KLHDC8A: variants seen among roughly 807,000 people sequenced by gnomAD.
KLHDC8A encodes kelch domain-containing protein 8A.
A neutral mutation model predicts 33.1 loss-of-function variants in KLHDC8A; 21 were observed. The observed-to-expected ratio is 0.64, with a 90% CI of 0.45 to 0.91. KLHDC8A has a LOEUF of 0.91. Among genes scored for constraint, KLHDC8A ranks in the 40% least tolerant of loss-of-function variants. The pLI, the probability that KLHDC8A is intolerant of heterozygous loss-of-function variation, is 0.00. For missense variants in KLHDC8A, 435 were observed against 483.3 expected, an observed-to-expected ratio of 0.90 and a Z score of 0.94; for synonymous variants, 173 against 193.5, an observed-to-expected ratio of 0.89 and a Z score of 0.88.
intron 1 of KLHDC8A, among the ~76,000 whole-genome samples, chr1:205,351,956 C>T (rs11240449): frequency 0.61 from 92,826 of 151,742 alleles, 28,422 homozygotes; most frequent in South Asian, 0.72. Flanking sequence ...TGGCCTGCCT[C>T]TCCTTCCTTG....
chr1:205,355,261 C>A (rs1663234815), intron 1 of KLHDC8A, among the ~76,000 whole-genome samples: 1 of 152,196 alleles, frequency 6.6e-6, no homozygotes, highest in African/African-American at 2.4e-5. Context: ...CACTCTATTG[C>A]CTGATGCCCA....
At chr1:205,355,988 G>A (rs1302917564) in intron 1 of KLHDC8A, among the ~76,000 whole-genome samples, 1 of 152,190 alleles carries the variant, frequency 6.6e-6, no homozygotes, top group East Asian at 1.9e-4. Flanking sequence ...TCACAAGGGT[G>A]TATTTCGTGT....
Position 205,343,281 on chromosome 1 carries a change from C to T in KLHDC8A, c.324G>A (p.Lys108=). The part of the protein sequence containing the change: ...EMYNIDEGKW[K]KRSMLREAAM... ...CGGCCTCACGCAGCATGCTCCTCTT[C>T]TTCCACTTGCCCTCATCGATGTTGT... Residue 108 remains lysine, a synonymous_variant, in exon 2 of 6, where the codon AAG becomes AAA. Transcript: ENST00000367155. 1 of 1,610,878 alleles carries T rather than the reference C, an allele frequency of 6.2e-7. No homozygotes were observed. Among genetic ancestry groups the T allele is most frequent in the East Asian group, 2.2e-5 (1 of 44,778 alleles).
intron 2 of KLHDC8A, among the ~76,000 whole-genome samples, chr1:205,341,121 CT>C (rs373175826): frequency 0.011 from 1,687 of 152,290 alleles, 25 homozygotes; most frequent in South Asian, 0.074. Context: ...CTCTACTACT[CT>C]TGACTGTAGG....
chr1:205,353,670 T>TA (rs1186411157), intron 1 of KLHDC8A, among the ~76,000 whole-genome samples: 2 of 152,122 alleles, frequency 1.3e-5, no homozygotes, highest in African/African-American at 4.8e-5. Context: ...GCTGGGACTA[T>TA]AGACACGCAC....
chr1:205,339,318 C>A lies in KLHDC8A; in HGVS notation c.633G>T (p.Lys211Asn). ...SWTKFPNIPYKRAFSSFVTLD... is the reference protein window; with the variant it reads ...SWTKFPNIPYNRAFSSFVTLD... ...GGGTCACAAAGCTGGAGAAGGCCCGCTTATAGGGAATGTTGGGAAACTTGG... is the reference window on the plus strand; with the variant it reads ...GGGTCACAAAGCTGGAGAAGGCCCGATTATAGGGAATGTTGGGAAACTTGG... Residue 211 changes from lysine to asparagine, a missense_variant, in exon 4 of 6, where the codon AAG becomes AAT. By Grantham distance (94) the Lys-to-Asn change is moderately conservative. Transcript: ENST00000367155. The surrounding 1 kb of genome is among the most constrained non-coding windows in gnomAD (Gnocchi z 5.1). 6.2e-7 allele frequency: 1 copy of A among 1,614,180 alleles called. No homozygotes were observed. Among genetic ancestry groups the A allele is most frequent in the Non-Finnish European group, 8.5e-7 (1 of 1,180,022 alleles).
At chr1:205,347,552 C>G (rs1282718513) in intron 1 of KLHDC8A, among the ~76,000 whole-genome samples, 6 of 152,082 alleles carry the variant, frequency 3.9e-5, no homozygotes, top group Admixed American at 2.6e-4. Context: ...GACCCTGTCT[C>G]TGCAAAAAAT....
At chr1:205,348,700 C>T (rs1663014140) in intron 1 of KLHDC8A, 1 of 152,168 alleles carries the variant, frequency 6.6e-6, no homozygotes, top group Non-Finnish European at 1.5e-5. Context: ...TAGTTTCTTT[C>T]TTCCCCTTGT....
chr1:205,350,286 G>C (rs535538682), intron 1 of KLHDC8A, among the ~76,000 whole-genome samples: 1 of 152,248 alleles, frequency 6.6e-6, no homozygotes, highest in Admixed American at 6.5e-5. Context: ...GAATGGGCTG[G>C]CTCCCTATAG....
intron 5 of KLHDC8A, among the ~76,000 whole-genome samples, chr1:205,338,096 T>G (rs763086650): frequency 3.0e-4 from 46 of 152,226 alleles, no homozygotes; most frequent in Non-Finnish European, 4.9e-4. Flanking sequence ...TCTGTTGAAC[T>G]TATTTAATCA....
At chr1:205,355,619 G>A (rs2183229) in intron 1 of KLHDC8A, among the ~76,000 whole-genome samples, 86,741 of 151,540 alleles carry the variant, frequency 0.57, 25,435 homozygotes, top group African/African-American at 0.65. Flanking sequence ...TCAGAGTTTG[G>A]TGTGTGTGTG....
In KLHDC8A at chr1:205,337,193, A is replaced by G. The variant is rs1289202874; in HGVS notation, c.*206T>C. ...TCAGAGTCAGCTCTGCAGCTGGTGG[A>G]GTCATCTGTGCCTCTTACAGTTTTC... On this transcript the variant is annotated 3_prime_UTR_variant, in exon 6 of 6. Transcript: ENST00000367155. The G allele has an allele frequency of 1.7e-6, 1 of 581,388 alleles. No homozygotes were observed. Among genetic ancestry groups the G allele is most frequent in the African/African-American group, 1.9e-5 (1 of 53,452 alleles). 36.0% of individuals were successfully genotyped at this position (581,388 alleles called of 1,614,324 possible). A position where few individuals can be genotyped will look rare whatever the true frequency, so the allele number is the denominator to read the frequency against.
At chr1:205,340,767 G>T (rs936380212) in intron 2 of KLHDC8A, among the ~76,000 whole-genome samples, 1 of 152,182 alleles carries the variant, frequency 6.6e-6, no homozygotes, top group Non-Finnish European at 1.5e-5. Context: ...GAGCCACCAC[G>T]CCTGGCTTCA....
At position 205,338,572 on chromosome 1, in the gene KLHDC8A, G is replaced by A. The variant is rs766875332; in HGVS notation, c.782C>T (p.Ser261Leu). Residue 261 changes from serine to leucine, a missense_variant, in exon 5 of 6, where the codon TCG becomes TTG. Physicochemically the swap from Ser to Leu is moderately radical, Grantham distance 145 (BLOSUM62 -2). Coordinates refer to ENST00000367155, the MANE Select transcript of KLHDC8A (RefSeq NM_018203.3). ...TGCCCGCCGCTTCTTGAGGAAGAAC[G>A]ATCGTTCCATCTTCAGCCATCCCCC... ...EQGGWLKMER[S>L]FFLKKRRADF... The A allele has an allele frequency of 1.7e-5, 27 of 1,614,124 alleles. No homozygotes were observed. Among genetic ancestry groups the A allele is most frequent in the Non-Finnish European group, 2.2e-5 (26 of 1,179,994 alleles).
intron 2 of KLHDC8A, among the ~76,000 whole-genome samples, chr1:205,341,171 G>A (rs1195152492): frequency 1.3e-5 from 2 of 152,088 alleles, no homozygotes; most frequent in Non-Finnish European, 2.9e-5. Context: ...GAGAGGATGG[G>A]CAAGGCATCT....
intron 1 of KLHDC8A, among the ~76,000 whole-genome samples, chr1:205,349,672 T>G (rs569127593): frequency 2.4e-4 from 37 of 152,258 alleles, no homozygotes; most frequent in African/African-American, 8.2e-4. Flanking sequence ...CAATAAAGCC[T>G]GAGGATTTGA....
At chr1:205,347,787 G>C (rs1251437497) in intron 1 of KLHDC8A, among the ~76,000 whole-genome samples, 6 of 152,140 alleles carry the variant, frequency 3.9e-5, no homozygotes, top group Non-Finnish European at 8.8e-5. Context: ...TTAAGGGAGG[G>C]AAAAGTCATA....
intron 1 of KLHDC8A, among the ~76,000 whole-genome samples, chr1:205,355,137 A>G (rs1376178587): frequency 6.6e-6 from 1 of 152,166 alleles, no homozygotes; most frequent in Non-Finnish European, 1.5e-5. Context: ...TAGGCTGGTT[A>G]TTCCAGTGTT....
At chr1:205,352,302 C>A (rs116270789) in intron 1 of KLHDC8A, among the ~76,000 whole-genome samples, 2,858 of 152,306 alleles carry the variant, frequency 0.019, 105 homozygotes, top group African/African-American at 0.065. Context: ...GTCACTGGGG[C>A]AGGACCTGTA....
Sources: gnomAD v4.1 joint callset for allele counts (sites outside exome capture counted in the v4.1 genomes callset) on GRCh38, gnomAD v4.1.1 for gene constraint, Gnocchi (gnomAD v3.1) non-coding constraint, MANE v1.5 for transcripts, NCBI Gene and HGNC (gene_info 2026-07-23, HGNC 2026-07-21) for gene names.